Variants in RPS6KC1 observed in about 807,000 individuals in gnomAD.
RPS6KC1 encodes the protein ribosomal protein S6 kinase C1.
A neutral mutation model predicts 103.8 loss-of-function variants in RPS6KC1; 54 were observed. The observed-to-expected ratio is 0.52, with a 90% CI of 0.42 to 0.65. RPS6KC1 has a LOEUF of 0.65. RPS6KC1 is among the 30% of genes least tolerant of loss of function. RPS6KC1 has a pLI of 0.00. For synonymous variants in RPS6KC1, 439 were observed against 438.7 expected (o/e 1.00, Z -0.01); for missense variants, 1,151 against 1,253.8 (o/e 0.92, Z 1.24).
intron 6 of RPS6KC1, among the ~76,000 whole-genome samples, chr1:213,148,553 ACAATGTAT>A (rs2088174884): frequency 6.6e-6 from 1 of 152,090 alleles, no homozygotes; most frequent in African/African-American, 2.4e-5. Context: ...TGTGATCTTT[ACAATGTAT>A]TGTTGAATTC....
chr1:213,554,638 C>T, the RPS6KC1 span, among the ~76,000 whole-genome samples: 3 of 152,156 alleles, frequency 2.0e-5, no homozygotes, highest in African/African-American at 4.8e-5. Context: ...CTCCATGTTG[C>T]GTGTTGCACT....
chr1:213,635,643 C>G, the RPS6KC1 span, among the ~76,000 whole-genome samples: 1 of 152,138 alleles, frequency 6.6e-6, no homozygotes, highest in African/African-American at 2.4e-5. Flanking sequence ...CTCTTTATGG[C>G]AAACCCACAG....
chr1:213,706,203 T>G, the RPS6KC1 span, among the ~76,000 whole-genome samples: 1 of 152,168 alleles, frequency 6.6e-6, no homozygotes, highest in African/African-American at 2.4e-5. Context: ...TTTCAAGTTT[T>G]TATAGGGCCC....
the RPS6KC1 span, among the ~76,000 whole-genome samples, chr1:213,522,219 G>A: frequency 2.6e-4 from 39 of 152,310 alleles, no homozygotes; most frequent in Non-Finnish European, 4.7e-4. Context: ...GTAACCAGAT[G>A]TATTGCCAAC....
At chr1:213,723,755 C>T in the RPS6KC1 span, among the ~76,000 whole-genome samples, 1 of 152,290 alleles carries the variant, frequency 6.6e-6, no homozygotes, top group African/African-American at 2.4e-5. Flanking sequence ...CACCCAATTG[C>T]ACCAGGCCCT....
At chr1:213,762,133 A>G in the RPS6KC1 span, among the ~76,000 whole-genome samples, 1 of 151,560 alleles carries the variant, frequency 6.6e-6, no homozygotes, top group Non-Finnish European at 1.5e-5. Flanking sequence ...TCAGTTCTCA[A>G]AGTCAGAGGT....
chr1:213,590,147 G>A, the RPS6KC1 span, among the ~76,000 whole-genome samples: 1 of 152,164 alleles, frequency 6.6e-6, no homozygotes, highest in Non-Finnish European at 1.5e-5. Context: ...AAAAATTGGT[G>A]CTTTACGTCT....
At chr1:213,716,560 G>A in the RPS6KC1 span, among the ~76,000 whole-genome samples, 2 of 152,010 alleles carry the variant, frequency 1.3e-5, no homozygotes, top group Non-Finnish European at 2.9e-5. Flanking sequence ...GTTTCAGGGG[G>A]AAAAAATCTT....
chr1:213,323,831 T>A, the RPS6KC1 span, among the ~76,000 whole-genome samples: 3 of 152,164 alleles, frequency 2.0e-5, no homozygotes, highest in Non-Finnish European at 4.4e-5. Flanking sequence ...ACCAGAGTGA[T>A]ACATTTTTAA....
At chr1:213,668,531 T>C in the RPS6KC1 span, among the ~76,000 whole-genome samples, 2 of 151,704 alleles carry the variant, frequency 1.3e-5, no homozygotes, top group Non-Finnish European at 2.9e-5. Flanking sequence ...GCAGAGAAGA[T>C]TTAACATAAT....
At chr1:213,520,920 G>A in the RPS6KC1 span, among the ~76,000 whole-genome samples, 1 of 152,114 alleles carries the variant, frequency 6.6e-6, no homozygotes, top group South Asian at 2.1e-4. Context: ...AAACATAAAA[G>A]TCCTGCCTCT....
At chr1:213,093,126 C>G (rs2081137556) in intron 3 of RPS6KC1, among the ~76,000 whole-genome samples, 8 of 151,438 alleles carry the variant, frequency 5.3e-5, no homozygotes, top group Admixed American at 5.3e-4. Flanking sequence ...TGGTACCGTT[C>G]ATTTGTAATG....
chr1:213,276,162 T>C (rs1183642352), downstream of RPS6KC1, among the ~76,000 whole-genome samples: 1 of 152,134 alleles, frequency 6.6e-6, no homozygotes, highest in African/African-American at 2.4e-5. Flanking sequence ...TATGCCTTGA[T>C]TGAATTTGCT....
intron 1 of RPS6KC1, among the ~76,000 whole-genome samples, chr1:213,057,021 C>T (rs141997048): frequency 5.1e-4 from 78 of 152,216 alleles, no homozygotes; most frequent in African/African-American, 1.8e-3. Context: ...CTCACTCTAG[C>T]CTTGACTTTG....
At chr1:213,252,323 G>T (rs758636346) in intron 12 of RPS6KC1, among the ~76,000 whole-genome samples, 24 of 152,206 alleles carry the variant, frequency 1.6e-4, no homozygotes, top group Non-Finnish European at 2.8e-4. Flanking sequence ...CAAAAAGAAA[G>T]ATGTTCTTTT....
chr1:213,140,360 CT>C (rs1298539660), intron 6 of RPS6KC1, among the ~76,000 whole-genome samples: 1 of 152,012 alleles, frequency 6.6e-6, no homozygotes, highest in Non-Finnish European at 1.5e-5. Context: ...CTGGCTGGGA[CT>C]TCCAGTACTG....
chr1:213,115,259 A>G (rs1009117099), intron 4 of RPS6KC1, among the ~76,000 whole-genome samples: 8 of 151,926 alleles, frequency 5.3e-5, no homozygotes, highest in Non-Finnish European at 1.5e-5. Flanking sequence ...CAGAGATTCA[A>G]CTTCTTCCTG....
the RPS6KC1 span, among the ~76,000 whole-genome samples, chr1:213,498,328 A>T: frequency 6.6e-6 from 1 of 152,356 alleles, no homozygotes; most frequent in East Asian, 1.9e-4. Flanking sequence ...GTTATACAGT[A>T]GTTTTTCCAT....
the RPS6KC1 span, among the ~76,000 whole-genome samples, chr1:213,736,656 T>C: frequency 4.7e-3 from 722 of 152,250 alleles, 8 homozygotes; most frequent in Middle Eastern, 0.041. Flanking sequence ...GTGGGAATCA[T>C]TGGGGGTCAA....
Sources: allele counts gnomAD v4.1 joint callset (sites outside exome capture counted in the v4.1 genomes callset), GRCh38; gene constraint gnomAD v4.1.1; transcripts MANE v1.5; gene names NCBI Gene and HGNC (gene_info 2026-07-23, HGNC 2026-07-21).